Variants in EYS observed in about 807,000 individuals in gnomAD.
EYS encodes the protein EGF-like photoreceptor maintenance factor, also known as protein eyes shut homolog.
EYS carries 250 observed loss-of-function variants against 282.1 expected under a neutral mutation model. The observed-to-expected ratio is 0.89, with a 90% CI of 0.80 to 0.98. The LOEUF (loss-of-function observed/expected upper bound fraction) is 0.98. Ranked by LOEUF, EYS falls within the 50% of genes least tolerant of loss-of-function variation. The probability of loss-of-function intolerance (pLI) is 0.00; values close to 1 mark genes in which losing one functional copy is unlikely to be tolerated. For synonymous variants in EYS, 1,355 were observed against 1,282.9 expected, an observed-to-expected ratio of 1.06 and a Z score of -1.20; for missense variants, 4,016 against 3,709.0, an observed-to-expected ratio of 1.08 and a Z score of -2.15.
chr6:65,563,664 A>G (rs901317348), intron 2 of EYS, among the ~76,000 whole-genome samples: 2 of 152,122 alleles, frequency 1.3e-5, no homozygotes, highest in Non-Finnish European at 2.9e-5. Context: ...TAACTAATGC[A>G]TGGCACTTAA....
At chr6:64,739,668 A>G (rs746472719) in intron 22 of EYS, among the ~76,000 whole-genome samples, 4 of 152,204 alleles carry the variant, frequency 2.6e-5, no homozygotes, top group Non-Finnish European at 4.4e-5. Context: ...AGCACCTAGA[A>G]TAAAAACCTT....
At chr6:63,823,244 G>A (rs1389872705) in intron 36 of EYS, among the ~76,000 whole-genome samples, 1 of 152,032 alleles carries the variant, frequency 6.6e-6, no homozygotes, top group African/African-American at 2.4e-5. Flanking sequence ...TTCTGCTAAT[G>A]CTATGCTGAG....
intron 12 of EYS, among the ~76,000 whole-genome samples, chr6:65,060,378 T>C (rs532674109): frequency 2.6e-5 from 4 of 152,104 alleles, no homozygotes; most frequent in South Asian, 2.1e-4. Flanking sequence ...GATTCTACAA[T>C]CACTGTTGTG....
At chr6:63,899,092 C>T (rs549698075) in intron 35 of EYS, among the ~76,000 whole-genome samples, 4 of 152,124 alleles carry the variant, frequency 2.6e-5, no homozygotes, top group Non-Finnish European at 4.4e-5. Flanking sequence ...CAGATTATTA[C>T]GTTTATTGAC....
intron 1 of EYS, among the ~76,000 whole-genome samples, chr6:65,705,409 C>G (rs577288090): frequency 1.9e-4 from 29 of 152,162 alleles, no homozygotes; most frequent in Middle Eastern, 3.4e-3. Context: ...TTTGTTTTCC[C>G]TAAGTTTTTT....
intron 31 of EYS, among the ~76,000 whole-genome samples, chr6:64,191,497 G>T (rs1035737275): frequency 7.7e-6 from 1 of 130,496 alleles, no homozygotes; most frequent in African/African-American, 2.8e-5. Flanking sequence ...CCCCAAAACA[G>T]TCCCCAGAGT....
chr6:64,890,921 A>G lies in EYS; in HGVS notation c.2847-4079T>C, dbSNP rs181522406. ...TCTTTCCTTTTTGCTTTCAATCAAGACCATTATTTTTTCTTACTTTCTACA... is the reference window on the plus strand; with the variant it reads ...TCTTTCCTTTTTGCTTTCAATCAAGGCCATTATTTTTTCTTACTTTCTACA... On this transcript the variant is annotated intron_variant, in intron 18 of 42. Transcript: ENST00000503581. Among the ~76,000 whole-genome samples the G allele has an allele frequency of 5.6e-3, 854 of 152,196 alleles. 6 individuals are homozygous for G. Among genetic ancestry groups the G allele is most frequent in the Middle Eastern group, 0.017 (5 of 294 alleles).
rs953722625 is a variant in EYS at position 64,976,418 on chromosome 6, C to T, written c.2259+21164G>A. Among the ~76,000 whole-genome samples the T allele has an allele frequency of 2.2e-4, 33 of 151,152 alleles. 1 individual carries two copies. The highest frequency in any genetic ancestry group is 8.0e-4 in the African/African-American group (33 of 41,204). On this transcript the variant is annotated intron_variant, in intron 14 of 42. Transcript: ENST00000503581. ...GTGGTTTATAAACAACAGAAATTTACTTCTTATAATTCTGGTGACTGGGAA... is the reference window on the plus strand; with the variant it reads ...GTGGTTTATAAACAACAGAAATTTATTTCTTATAATTCTGGTGACTGGGAA...
chr6:65,390,285 C>A (rs749741923), intron 7 of EYS, among the ~76,000 whole-genome samples: 13 of 149,196 alleles, frequency 8.7e-5, no homozygotes, highest in Non-Finnish European at 1.6e-4. Flanking sequence ...AAAAGGTCAG[C>A]AAACTAGATG....
At chr6:64,165,831 G>C (rs1425520106) in intron 31 of EYS, among the ~76,000 whole-genome samples, 1 of 152,138 alleles carries the variant, frequency 6.6e-6, no homozygotes, top group Non-Finnish European at 1.5e-5. Context: ...GATTACTTGA[G>C]ATGTATGGAT....
intron 22 of EYS, among the ~76,000 whole-genome samples, chr6:64,738,554 G>C (rs141132737): frequency 6.6e-6 from 1 of 152,020 alleles, no homozygotes; most frequent in African/African-American, 2.4e-5. Context: ...TATGTGTTGT[G>C]GAATTTTGGT....
intron 12 of EYS, among the ~76,000 whole-genome samples, chr6:65,242,223 C>T (rs1469824355): frequency 6.6e-6 from 1 of 151,986 alleles, no homozygotes; most frequent in Non-Finnish European, 1.5e-5. Flanking sequence ...GTGCAACCAT[C>T]ATCACAAATC....
chr6:64,757,319 A>G (rs1439802527), intron 22 of EYS, among the ~76,000 whole-genome samples: 1 of 152,108 alleles, frequency 6.6e-6, no homozygotes, highest in African/African-American at 2.4e-5. Context: ...CACTGCTCCC[A>G]CACGTCTTGT....
chr6:64,626,350 C>T, intron 22 of EYS, 105 bp from the exon 23 acceptor site: 1 of 1,351,522 alleles, frequency 7.4e-7, no homozygotes, highest in Non-Finnish European at 9.8e-7. Flanking sequence ...AGAGCTCCAA[C>T]AACATGTAGC....
At chr6:65,053,335 C>T (rs1218729324) in intron 13 of EYS, among the ~76,000 whole-genome samples, 1 of 151,732 alleles carries the variant, frequency 6.6e-6, no homozygotes, top group Non-Finnish European at 1.5e-5. Context: ...AGTCACTGTA[C>T]ATATTCTTTA....
chr6:64,234,544 T>C (rs1240727598), intron 30 of EYS, among the ~76,000 whole-genome samples: 1 of 152,202 alleles, frequency 6.6e-6, no homozygotes, highest in Admixed American at 6.5e-5. Context: ...TTTCAATAGT[T>C]ACATTGAGAT....
chr6:64,697,606 AT>A (rs1486717062), intron 22 of EYS, among the ~76,000 whole-genome samples: 1 of 152,196 alleles, frequency 6.6e-6, no homozygotes, highest in Non-Finnish European at 1.5e-5. Flanking sequence ...AGTGCATGGA[AT>A]ATTCTCCAAG....
chr6:64,680,486 T>C (rs1769860684), intron 22 of EYS, among the ~76,000 whole-genome samples: 1 of 152,166 alleles, frequency 6.6e-6, no homozygotes, highest in Non-Finnish European at 1.5e-5. Context: ...CTACTTTCAG[T>C]GAATATGGCT....
intron 29 of EYS, among the ~76,000 whole-genome samples, chr6:64,388,239 A>C (rs36127403): frequency 0.37 from 56,067 of 151,996 alleles, 11,081 homozygotes; most frequent in African/African-American, 0.52. Context: ...GGCATGTGGG[A>C]AAAACTCTGT....
Sources: allele counts gnomAD v4.1 joint callset (sites outside exome capture counted in the v4.1 genomes callset), GRCh38; gene constraint gnomAD v4.1.1; transcripts MANE v1.5; gene names NCBI Gene and HGNC (gene_info 2026-07-23, HGNC 2026-07-21).